The following CFAP52 variants were observed in gnomAD, a reference collection of about 807,000 sequenced individuals.
The protein encoded by CFAP52 is cilia- and flagella-associated protein 52.
In CFAP52, 57 loss-of-function variants were observed where a neutral mutation model predicts 70.5. The ratio of observed to expected loss-of-function variants is 0.81; its 90% CI spans 0.65 to 1.01. The LOEUF (loss-of-function observed/expected upper bound fraction) is 1.01, where lower values mean the gene tolerates loss of function less well. Ranked by LOEUF, CFAP52 falls within the 50% of genes least tolerant of loss-of-function variation. CFAP52 has a pLI of 0.00. For missense variants in CFAP52, 785 were observed against 788.5 expected (o/e 1.00, Z 0.05); for synonymous variants, 267 against 292.5 (o/e 0.91, Z 0.89).
At chr17:9,603,349 C>T (rs1010860245) in intron 6 of CFAP52, among the ~76,000 whole-genome samples, 12 of 152,268 alleles carry the variant, frequency 7.9e-5, no homozygotes, top group Admixed American at 7.2e-4. Flanking sequence ...GCTGGGACTA[C>T]AGGCGCCTAC....
In CFAP52 at chr17:9,600,184, G is replaced by A. The variant is rs758135975; in HGVS notation, c.753+1G>A. On this transcript the variant is annotated splice_donor_variant, in intron 6 of 13. Transcript: ENST00000352665. LOFTEE classifies it high-confidence loss of function. Reference sequence around the variant, plus strand: ...GCCTGCGAAGGACAAATTCAGTTTGGTGAGTAGAGACCATCGCCACTGCCC... The same window carrying A: ...GCCTGCGAAGGACAAATTCAGTTTGATGAGTAGAGACCATCGCCACTGCCC... 1 of 1,612,960 alleles carries A rather than the reference G, an allele frequency of 6.2e-7. No individual in the cohort carries two copies. The highest frequency in any genetic ancestry group is 8.5e-7 in the Non-Finnish European group (1 of 1,179,042).
chr17:9,596,051 A>ATG (rs10699113), intron 4 of CFAP52, among the ~76,000 whole-genome samples: 4,937 of 77,012 alleles, frequency 0.064, 197 homozygotes, highest in Non-Finnish European at 0.082. Flanking sequence ...GTAGATATAT[A>ATG]TGTGTGTGTA....
At chr17:9,613,655 T>A (rs1425873927) in intron 8 of CFAP52, among the ~76,000 whole-genome samples, 1 of 151,854 alleles carries the variant, frequency 6.6e-6, no homozygotes, top group Non-Finnish European at 1.5e-5. Flanking sequence ...GTAGCTAGGA[T>A]TACAGGCATG....
intron 8 of CFAP52, among the ~76,000 whole-genome samples, chr17:9,614,376 G>A (rs184358806): frequency 4.5e-4 from 68 of 152,006 alleles, no homozygotes; most frequent in Non-Finnish European, 8.2e-4. Context: ...AGCTGGTCGC[G>A]AGCTCCCAAC....
intron 3 of CFAP52, among the ~76,000 whole-genome samples, chr17:9,591,969 T>C (rs776156310): frequency 6.6e-5 from 10 of 152,168 alleles, no homozygotes; most frequent in Non-Finnish European, 1.2e-4. Flanking sequence ...GGATCCAAAA[T>C]TCAAAAGCAT....
At chr17:9,596,061 A>ATATATATATATATG (rs1908997948) in intron 4 of CFAP52, among the ~76,000 whole-genome samples, 1 of 50,778 alleles carries the variant, frequency 2.0e-5, no homozygotes, top group African/African-American at 9.7e-5. Context: ...ATGTGTGTGT[A>ATATATATATATATG]TATATATATA....
chr17:9,636,248 A>AAAGAAAGG, intron 11 of CFAP52, among the ~76,000 whole-genome samples: 1 of 118,868 alleles, frequency 8.4e-6, no homozygotes, highest in Non-Finnish European at 1.6e-5. Context: ...AGAAAGAAAG[A>AAAGAAAGG]AAGAGAAAGA....
intron 7 of CFAP52, 91 bp from the exon 8 acceptor site, chr17:9,612,218 G>A (rs1168442571): frequency 1.6e-5 from 23 of 1,470,232 alleles, no homozygotes; most frequent in Non-Finnish European, 2.1e-5. Context: ...GAAATTATAT[G>A]CCTGATTTGT....
At chr17:9,594,158 T>C (rs748934853) in intron 3 of CFAP52, 35 bp from the exon 4 acceptor site, 73 of 1,545,370 alleles carry the variant, frequency 4.7e-5, no homozygotes, top group Middle Eastern at 1.7e-4. Context: ...GTTTTCTCTT[T>C]GACTTTTTTT....
intron 1 of CFAP52, among the ~76,000 whole-genome samples, chr17:9,585,342 TC>T (rs1040807665): frequency 2.0e-5 from 3 of 152,160 alleles, no homozygotes; most frequent in Non-Finnish European, 4.4e-5. Flanking sequence ...ATTACCTATT[TC>T]CCCAACTTCT....
In CFAP52 at chr17:9,635,527, C is replaced by T. The variant is rs756371024; in HGVS notation, c.1443C>T (p.Thr481=). The change falls in exon 11 of 14, where the codon ACC becomes ACT. Residue 481 remains threonine, a synonymous_variant. Coordinates refer to ENST00000352665, the MANE Select transcript of CFAP52 (RefSeq NM_145054.5). The stretch of plus-strand genomic sequence containing the variant: ...ACGAGGAGTGTGTCACCGCCAGCAC[C>T]GATGGGACTTGTATCATTTGGGACC... The part of the protein sequence containing the change: ...RNNEECVTAS[T]DGTCIIWDLV... The T allele has an allele frequency of 2.5e-5, 41 of 1,614,010 alleles. No individual in the cohort carries two copies. Among genetic ancestry groups the T allele is most frequent in the Admixed American group, 3.3e-5 (2 of 59,992 alleles).
chr17:9,586,611 C>A, intron 2 of CFAP52, 87 bp from the exon 3 acceptor site: 25 of 1,328,980 alleles, frequency 1.9e-5, no homozygotes, highest in South Asian at 3.3e-5. Flanking sequence ...AGTGACAGTA[C>A]TAATTGTTTT....
chr17:9,603,260 G>A (rs1909350851), intron 6 of CFAP52, among the ~76,000 whole-genome samples: 1 of 152,200 alleles, frequency 6.6e-6, no homozygotes, highest in Non-Finnish European at 1.5e-5. Flanking sequence ...CCAGGCTGGA[G>A]TGCAGTGGCA....
chr17:9,629,225 C>A (rs1910354017), intron 9 of CFAP52, among the ~76,000 whole-genome samples: 1 of 152,112 alleles, frequency 6.6e-6, no homozygotes. Context: ...TTATTTTATG[C>A]CATTTAGCAT....
chr17:9,599,557 A>G (rs573068546), intron 5 of CFAP52, among the ~76,000 whole-genome samples: 2 of 152,208 alleles, frequency 1.3e-5, no homozygotes, highest in East Asian at 1.9e-4. Flanking sequence ...ATTTCCTCCC[A>G]TTCTATGTGT....
At chr17:9,634,100 C>G (rs1323161663) in intron 10 of CFAP52, among the ~76,000 whole-genome samples, 2 of 152,172 alleles carry the variant, frequency 1.3e-5, no homozygotes, top group East Asian at 1.9e-4. Context: ...TTTGAGGAGG[C>G]TGTAACACCT....
chr17:9,631,387 C>A (rs892294079), intron 9 of CFAP52, among the ~76,000 whole-genome samples: 1 of 152,162 alleles, frequency 6.6e-6, no homozygotes, highest in East Asian at 1.9e-4. Context: ...TCCCTCACCC[C>A]CTCACCTCCT....
intron 3 of CFAP52, among the ~76,000 whole-genome samples, chr17:9,591,194 T>C (rs942059124): frequency 4.4e-5 from 6 of 135,990 alleles, no homozygotes; most frequent in African/African-American, 1.1e-4. Flanking sequence ...TGCACCACCA[T>C]GCCTGGCTAA....
chr17:9,628,567 G>A lies in CFAP52; in HGVS notation c.1026-105G>A, dbSNP rs373711395. ...GCTGGGATTACAGGTTTGAGCCACC[G>A]CGCCCAGCCTTTTCCTATATTTTTG... On this transcript the variant is annotated intron_variant, in intron 8 of 13. Coordinates refer to ENST00000352665, the MANE Select transcript of CFAP52 (RefSeq NM_145054.5). The A allele has an allele frequency of 7.1e-4, 1,041 of 1,458,076 alleles. 10 individuals are homozygous for A. In the African/African-American group the frequency reaches 0.013, roughly 18 times the overall value. The allele number at this position is 1,458,076 out of a possible 1,614,324, so 90.3% of individuals were successfully genotyped here.
Sources: gnomAD v4.1 joint callset for allele counts (sites outside exome capture counted in the v4.1 genomes callset) on GRCh38, gnomAD v4.1.1 for gene constraint, MANE v1.5 for transcripts, NCBI Gene and HGNC (gene_info 2026-07-23, HGNC 2026-07-21) for gene names.